Variants in PIP5K1B observed in about 807,000 individuals in gnomAD.
PIP5K1B encodes the protein phosphatidylinositol 4-phosphate 5-kinase type-1 beta.
In PIP5K1B, 42 loss-of-function variants were observed where a neutral mutation model predicts 67.0. The ratio of observed to expected loss-of-function variants is 0.63; its 90% CI spans 0.49 to 0.81. The LOEUF (loss-of-function observed/expected upper bound fraction) is 0.81. Ranked by LOEUF, PIP5K1B falls within the 30% of genes least tolerant of loss-of-function variation. PIP5K1B has a pLI of 0.00. For missense variants in PIP5K1B, 459 were observed against 646.3 expected (o/e 0.71, Z 3.14); for synonymous variants, 214 against 231.4 (o/e 0.92, Z 0.68).
chr9:68,885,732 C>T (rs574322824), intron 6 of PIP5K1B, among the ~76,000 whole-genome samples: 6 of 152,260 alleles, frequency 3.9e-5, no homozygotes, highest in African/African-American at 2.4e-5. Context: ...CTATTGGGTA[C>T]AATGTCCACT....
intron 6 of PIP5K1B, among the ~76,000 whole-genome samples, chr9:68,882,124 G>A (rs1049999439): frequency 5.3e-5 from 8 of 152,202 alleles, no homozygotes; most frequent in Non-Finnish European, 1.0e-4. Flanking sequence ...CATTAGAACA[G>A]CTTGCACAGA....
chr9:68,996,625 C>G (rs967757370), intron 15 of PIP5K1B, among the ~76,000 whole-genome samples: 6 of 152,202 alleles, frequency 3.9e-5, no homozygotes, highest in African/African-American at 1.4e-4. Context: ...TTCTAAGGCA[C>G]CGGATGCTGT....
intron 3 of PIP5K1B, among the ~76,000 whole-genome samples, chr9:68,819,011 G>A (rs1012683113): frequency 2.0e-5 from 3 of 152,106 alleles, no homozygotes; most frequent in Non-Finnish European, 4.4e-5. Flanking sequence ...TTTTAGAGAC[G>A]ATGTCTCGCT....
chr9:68,796,514 T>G (rs1832302381), intron 2 of PIP5K1B, among the ~76,000 whole-genome samples: 1 of 152,176 alleles, frequency 6.6e-6, no homozygotes, highest in South Asian at 2.1e-4. Flanking sequence ...AGAAGAAAAG[T>G]GTAGTTTTCT....
chr9:68,754,951 A>G (rs1360261615), intron 2 of PIP5K1B, among the ~76,000 whole-genome samples: 1 of 152,218 alleles, frequency 6.6e-6, no homozygotes, highest in Non-Finnish European at 1.5e-5. Flanking sequence ...GAACTCTGTG[A>G]AAATGGCAAC....
At chr9:68,745,448 T>A (rs184910152) in intron 2 of PIP5K1B, among the ~76,000 whole-genome samples, 1 of 152,322 alleles carries the variant, frequency 6.6e-6, no homozygotes, top group African/African-American at 2.4e-5. Context: ...GAACCTGGTA[T>A]CTCATCCATC....
intron 2 of PIP5K1B, among the ~76,000 whole-genome samples, chr9:68,743,555 T>A (rs970583034): frequency 5.9e-5 from 9 of 152,216 alleles, no homozygotes; most frequent in African/African-American, 1.4e-4. Flanking sequence ...ACTGCATATG[T>A]GTGAGGAGAA....
intron 14 of PIP5K1B, among the ~76,000 whole-genome samples, chr9:68,965,973 CAAAAA>C (rs1198036806): frequency 1.5e-5 from 1 of 67,140 alleles, no homozygotes; most frequent in Non-Finnish European, 3.2e-5. Flanking sequence ...GACTCCATCT[CAAAAA>C]AAAAAAAAAA....
intron 11 of PIP5K1B, 54 bp from the exon 12 acceptor site, chr9:68,923,248 C>G: frequency 1.0e-6 from 1 of 961,096 alleles, no homozygotes; most frequent in Non-Finnish European, 1.7e-6. Flanking sequence ...TCTCTTCTGA[C>G]TTGAGATGAA....
At chr9:68,790,595 C>T (rs62552130) in intron 2 of PIP5K1B, among the ~76,000 whole-genome samples, 35,122 of 138,572 alleles carry the variant, frequency 0.25, 4,749 homozygotes, top group Non-Finnish European at 0.35. Context: ...CACATGAGCG[C>T]GCACACACAC....
rs78280406 is a variant in PIP5K1B at position 68,741,947 on chromosome 9, C to T, written c.-242-554C>T. Among the ~76,000 whole-genome samples the T allele has an allele frequency of 2.4e-4, 36 of 152,274 alleles. No individual in the cohort carries two copies. In the East Asian group the frequency reaches 2.7e-3, roughly 11 times the overall value. On this transcript the variant is annotated intron_variant, in intron 1 of 15. Coordinates refer to ENST00000265382, the MANE Select transcript of PIP5K1B (RefSeq NM_003558.4). ...CCTACTCATAAGAAGTTTATGTCTCCTCACTTCTATATGAGTTTCAGAACT... is the reference window on the plus strand; with the variant it reads ...CCTACTCATAAGAAGTTTATGTCTCTTCACTTCTATATGAGTTTCAGAACT...
At chr9:68,822,425 T>C in intron 3 of PIP5K1B, 190 bp from the exon 4 acceptor site, 1 of 485,852 alleles carries the variant, frequency 2.1e-6, no homozygotes. Context: ...TTAGATTTAT[T>C]TTTGAAAGAT....
At chr9:68,731,106 T>C (rs1564093530) in intron 1 of PIP5K1B, among the ~76,000 whole-genome samples, 1 of 152,194 alleles carries the variant, frequency 6.6e-6, no homozygotes, top group Non-Finnish European at 1.5e-5. Flanking sequence ...GTGTGATAAT[T>C]TTGGTTTCAA....
chr9:68,991,064 C>T (rs1830341130), intron 14 of PIP5K1B, 76 bp from the exon 15 acceptor site: 4 of 827,728 alleles, frequency 4.8e-6, no homozygotes, highest in African/African-American at 1.7e-5. Context: ...CCACCTCACC[C>T]TCTTTAGGAC....
intron 2 of PIP5K1B, among the ~76,000 whole-genome samples, chr9:68,805,342 C>T (rs937059139): frequency 5.3e-5 from 8 of 152,110 alleles, no homozygotes; most frequent in African/African-American, 1.4e-4. Context: ...TCTGTAGCCA[C>T]GAGAAGGTTG....
rs1381996000 is a variant in PIP5K1B at position 68,917,629 on chromosome 9, G to C, written c.853G>C (p.Glu285Gln). The C allele has an allele frequency of 6.2e-7, 1 of 1,613,862 alleles. No homozygotes were observed. Among genetic ancestry groups the C allele is most frequent in the Admixed American group, 1.7e-5 (1 of 59,988 alleles). ...GGACCATTCCCTCAAAGAGAAAGAG[G>C]AGGAGACCCCACAAAATGTGCCTGA... The part of the protein sequence containing the change: ...FLDHSLKEKE[E>Q]ETPQNVPDAK... Residue 285 changes from glutamate (E) to glutamine (Q), a missense_variant, in exon 9 of 16, where the codon GAG becomes CAG. Coordinates refer to ENST00000265382, the MANE Select transcript of PIP5K1B (RefSeq NM_003558.4).
intron 4 of PIP5K1B, among the ~76,000 whole-genome samples, chr9:68,828,608 T>C (rs1409416236): frequency 4.6e-5 from 7 of 152,230 alleles, no homozygotes; most frequent in Non-Finnish European, 1.0e-4. Context: ...ATGCCTTTTA[T>C]TGCTTTTTCA....
chr9:68,955,948 T>G (rs1032639909), intron 14 of PIP5K1B, among the ~76,000 whole-genome samples: 1 of 152,198 alleles, frequency 6.6e-6, no homozygotes, highest in Non-Finnish European at 1.5e-5. Context: ...ATCAACCCTC[T>G]ACGGTAAGCA....
intron 2 of PIP5K1B, among the ~76,000 whole-genome samples, chr9:68,784,930 G>A (rs561364994): frequency 3.4e-4 from 52 of 152,280 alleles, no homozygotes; most frequent in African/African-American, 1.2e-3. Context: ...TTCTGATTGT[G>A]CCTATTTTCC....
Sources: allele counts gnomAD v4.1 joint callset (sites outside exome capture counted in the v4.1 genomes callset), GRCh38; gene constraint gnomAD v4.1.1; transcripts MANE v1.5; gene names NCBI Gene and HGNC (gene_info 2026-07-23, HGNC 2026-07-21).